The following CACNG4 variants were observed in gnomAD, a reference collection of about 807,000 sequenced individuals.
CACNG4 encodes the protein voltage-dependent calcium channel gamma-4 subunit.
A neutral mutation model predicts 22.9 loss-of-function variants in CACNG4; 8 were observed. The observed-to-expected ratio is 0.35, with a 90% confidence interval of 0.21 to 0.63. CACNG4 has a LOEUF of 0.63. Ranked by LOEUF, CACNG4 falls within the 30% of genes least tolerant of loss-of-function variation. The probability of loss-of-function intolerance (pLI) is 0.72; values close to 1 mark genes in which losing one functional copy is unlikely to be tolerated. For synonymous variants in CACNG4, 188 were observed against 191.9 expected (o/e 0.98, Z 0.17); for missense variants, 357 against 455.4 (o/e 0.78, Z 1.97).
rs765702561 is a variant in CACNG4, at chr17:67,030,965, C to G, written c.945C>G (p.Phe315Leu). 1 of 1,613,786 alleles carries G rather than the reference C, an allele frequency of 6.2e-7. No individual in the cohort carries two copies. Among genetic ancestry groups the G allele is most frequent in the South Asian group, 1.1e-5 (1 of 91,086 alleles). Residue 315 changes from phenylalanine to leucine, a missense_variant, in exon 4 of 4, where the codon TTC (phenylalanine) becomes TTG (leucine). Phe to Leu is a conservative substitution (Grantham distance 22). Around this residue, in one of 3 missense-constraint regions of CACNG4, gnomAD observed 240 missense variants for 277.6 expected, o/e 0.86. Transcript: ENST00000262138. This position sits in a 1 kb window ranked among gnomAD's most constrained non-coding sequence, Gnocchi z 6.4. The part of the protein sequence containing the change: ...DFFQQDLKEG[F>L]HVSMLNRRTT... ...TCCAGCAGGACCTGAAGGAAGGTTT[C>G]CACGTCAGCATGCTGAACCGACGGA...
intron 1 of CACNG4, among the ~76,000 whole-genome samples, chr17:67,006,037 G>A (rs1245675896): frequency 1.3e-5 from 2 of 152,182 alleles, no homozygotes; most frequent in Non-Finnish European, 2.9e-5. Flanking sequence ...CCCCACCTGG[G>A]AGCCTCTGGC....
intron 3 of CACNG4, among the ~76,000 whole-genome samples, chr17:67,029,507 G>A (rs909277859): frequency 5.3e-5 from 8 of 151,604 alleles, no homozygotes; most frequent in African/African-American, 1.7e-4. Flanking sequence ...GGTGGCGGGC[G>A]CCTGTAATCC....
chr17:67,002,618 T>TTCTCTCTCTCTCTCTC lies in CACNG4; in HGVS notation c.221-15558_221-15543dup, dbSNP rs58727233. Among the ~76,000 whole-genome samples, 659 of 145,516 alleles carry TTCTCTCTCTCTCTCTC rather than the reference T, an allele frequency of 4.5e-3. 3 individuals are homozygous for TTCTCTCTCTCTCTCTC. The highest frequency in any genetic ancestry group is 0.018 in the Middle Eastern group (5 of 278). On this transcript the variant is annotated intron_variant, in intron 1 of 3. Transcript: ENST00000262138. ...CTCTCTCCACCTCTCATCTCTCTCT[T>TTCTCTCTCTCTCTCTC]TCTCTCTCTCTCTCTCTCTCTCTCT...
chr17:66,980,926 A>T (rs2035268649), intron 1 of CACNG4, among the ~76,000 whole-genome samples: 1 of 152,184 alleles, frequency 6.6e-6, no homozygotes, highest in African/African-American at 2.4e-5. Flanking sequence ...GCCTTGTTAG[A>T]AACATCTTTG....
At chr17:66,996,728 G>A (rs1263534230) in intron 1 of CACNG4, among the ~76,000 whole-genome samples, 1 of 152,096 alleles carries the variant, frequency 6.6e-6, no homozygotes, top group Non-Finnish European at 1.5e-5. Context: ...CTAAATAGAA[G>A]GTTTGGTTTA....
chr17:66,983,666 T>C (rs1054164259), intron 1 of CACNG4, among the ~76,000 whole-genome samples: 3 of 152,212 alleles, frequency 2.0e-5, no homozygotes, highest in African/African-American at 7.2e-5. Context: ...TGGGGCACTC[T>C]CCGCAAAGAA....
chr17:66,964,870 G>C lies in CACNG4; in HGVS notation c.-42G>C. ...CGGAGGGAGGAGGGCGGGCGGGCGCGGCGGGCCGGGCCGGCGGGCGGCGGA... is the reference window on the plus strand; with the variant it reads ...CGGAGGGAGGAGGGCGGGCGGGCGCCGCGGGCCGGGCCGGCGGGCGGCGGA... On this transcript the variant is annotated 5_prime_UTR_variant, in exon 1 of 4. Transcript: ENST00000262138. The C allele has an allele frequency of 8.3e-7, 1 of 1,201,040 alleles. No homozygotes were observed. The highest frequency in any genetic ancestry group is 3.9e-5 in the East Asian group (1 of 25,750). 74.4% of individuals were successfully genotyped at this position (1,201,040 alleles called of 1,614,324 possible).
Position 66,976,728 on chromosome 17 carries a change from G to T in CACNG4, c.220+11597G>T, listed in dbSNP as rs1328960524. The stretch of plus-strand genomic sequence containing the variant: ...TGAAAGTGCTGTGAGAAGCACAGCG[G>T]CCGTGCTCCCACAGAGGCACCACAC... On this transcript the variant is annotated intron_variant, in intron 1 of 3. Coordinates refer to ENST00000262138, the MANE Select transcript of CACNG4 (RefSeq NM_014405.4). Among the ~76,000 whole-genome samples, 27 of 152,284 alleles carry T rather than the reference G, an allele frequency of 1.8e-4. No homozygotes were observed. In the East Asian group the frequency reaches 5.0e-3, roughly 28 times the overall value.
intron 3 of CACNG4, among the ~76,000 whole-genome samples, chr17:67,025,876 C>A (rs1354493482): frequency 6.6e-6 from 1 of 152,258 alleles, no homozygotes; most frequent in African/African-American, 2.4e-5. Context: ...AGCTCTGCAG[C>A]CGCCATTGGG....
intron 1 of CACNG4, among the ~76,000 whole-genome samples, chr17:67,008,872 C>A (rs1282163925): frequency 6.6e-6 from 1 of 152,016 alleles, no homozygotes; most frequent in Non-Finnish European, 1.5e-5. Context: ...TCACTTGAAC[C>A]CTGGAGGTGG....
chr17:67,006,131 G>A (rs1245537265), intron 1 of CACNG4, among the ~76,000 whole-genome samples: 1 of 152,204 alleles, frequency 6.6e-6, no homozygotes, highest in East Asian at 1.9e-4. Context: ...GCAGTGAGGA[G>A]GAGAGAGCTT....
chr17:66,969,674 A>G (rs2035192194), intron 1 of CACNG4, among the ~76,000 whole-genome samples: 1 of 152,098 alleles, frequency 6.6e-6, no homozygotes. Context: ...ATGTCTCCCA[A>G]GGGGCCCCAG....
chr17:67,026,661 G>C (rs1443347172), intron 3 of CACNG4, among the ~76,000 whole-genome samples: 1 of 151,464 alleles, frequency 6.6e-6, no homozygotes, highest in Non-Finnish European at 1.5e-5. Context: ...GTGCGTGTGT[G>C]TATTTGAGGA....
Position 66,993,534 on chromosome 17 carries a change from C to G in CACNG4, c.221-24655C>G, listed in dbSNP as rs115753108. Among the ~76,000 whole-genome samples the G allele has an allele frequency of 5.9e-3, 903 of 152,326 alleles. 5 individuals are homozygous for G. The highest frequency in any genetic ancestry group is 0.021 in the African/African-American group (858 of 41,566). ...TCCATTGCCAGGTCACCAGGGCACT[C>G]CCACGCCTGTTCTTGCACACACAAG... On this transcript the variant is annotated intron_variant, in intron 1 of 3. Transcript: ENST00000262138.
intron 3 of CACNG4, 122 bp downstream of exon 3, chr17:67,025,122 A>C: frequency 1.1e-6 from 1 of 898,870 alleles, no homozygotes; most frequent in Non-Finnish European, 1.5e-6. Context: ...TAACATCGCC[A>C]CATGCAACTG....
At chr17:66,991,143 CAGGT>C (rs2035338051) in intron 1 of CACNG4, among the ~76,000 whole-genome samples, 1 of 152,096 alleles carries the variant, frequency 6.6e-6, no homozygotes, top group Non-Finnish European at 1.5e-5. Flanking sequence ...GAGGAAAACA[CAGGT>C]GGGTGGTGCA....
chr17:67,022,963 C>A (rs1470488308), intron 2 of CACNG4, among the ~76,000 whole-genome samples: 1 of 152,240 alleles, frequency 6.6e-6, no homozygotes, highest in Non-Finnish European at 1.5e-5. Context: ...AACTGCGTGA[C>A]CTGCAACAGA....
At chr17:66,973,381 G>A (rs972649666) in intron 1 of CACNG4, among the ~76,000 whole-genome samples, 65 of 152,344 alleles carry the variant, frequency 4.3e-4, no homozygotes, top group African/African-American at 1.4e-3. Flanking sequence ...CCCAGAAGGC[G>A]TCCACCATGG....
In CACNG4 at chr17:67,021,959, A is replaced by C. The variant is rs183353635; in HGVS notation, c.305-2901A>C. 2.2e-3 allele frequency among the ~76,000 whole-genome samples: 339 copies of C among 152,242 alleles called. 3 individuals are homozygous for C. Among genetic ancestry groups the C allele is most frequent in the African/African-American group, 7.7e-3 (320 of 41,538 alleles). On this transcript the variant is annotated intron_variant, in intron 2 of 3. Coordinates refer to ENST00000262138, the MANE Select transcript of CACNG4 (RefSeq NM_014405.4). The stretch of plus-strand genomic sequence containing the variant: ...TGGCAATCCCAGCTGGCATCTGCAC[A>C]TCCACAGCTCAGGAATGAGTCTGTG...
Sources: gnomAD v4.1 joint callset for allele counts (sites outside exome capture counted in the v4.1 genomes callset) on GRCh38, gnomAD v4.1.1 for gene constraint, gnomAD v4.1.1 regional missense constraint, Gnocchi (gnomAD v3.1) non-coding constraint, MANE v1.5 for transcripts, NCBI Gene and HGNC (gene_info 2026-07-23, HGNC 2026-07-21) for gene names.